CACNA1D: variants seen among roughly 807,000 people sequenced by gnomAD.
CACNA1D encodes calcium voltage-gated channel subunit alpha1 D.
Under a neutral mutation model 257.1 loss-of-function variants are expected in CACNA1D, and 55 were observed. The ratio of observed to expected loss-of-function variants is 0.21; its 90% CI spans 0.17 to 0.27. The LOEUF (loss-of-function observed/expected upper bound fraction) is 0.27. Ranked by LOEUF, CACNA1D falls within the 10% of genes least tolerant of loss-of-function variation. The pLI, the probability that CACNA1D is intolerant of heterozygous loss-of-function variation, is 1.00. For missense variants in CACNA1D, 1,876 were observed against 2,784.0 expected (o/e 0.67, Z 7.34); for synonymous variants, 980 against 1,014.9 (o/e 0.97, Z 0.65).
At chr3:53,776,755 G>A (rs1309915210) in intron 36 of CACNA1D, 25 bp downstream of exon 36, 1 of 1,614,076 alleles carries the variant, frequency 6.2e-7, no homozygotes, top group Non-Finnish European at 8.5e-7. Flanking sequence ...ATTTGATTTG[G>A]CGTGTGTGGG....
intron 3 of CACNA1D, among the ~76,000 whole-genome samples, chr3:53,528,527 T>C (rs899345959): frequency 2.0e-5 from 3 of 152,200 alleles, no homozygotes; most frequent in Admixed American, 2.0e-4. Flanking sequence ...GTCCTTTGCA[T>C]TTCTATCTAA....
At chr3:53,590,521 ATTGCCC>A (rs1441000477) in intron 3 of CACNA1D, among the ~76,000 whole-genome samples, 1 of 152,220 alleles carries the variant, frequency 6.6e-6, no homozygotes, top group Non-Finnish European at 1.5e-5. Context: ...TCCAAATGCC[ATTGCCC>A]AGACTGTCTC....
chr3:53,722,201 C>A, intron 11 of CACNA1D, 113 bp from the exon 12 acceptor site: 2 of 1,061,190 alleles, frequency 1.9e-6, no homozygotes, highest in Non-Finnish European at 2.9e-6. Flanking sequence ...TTCCTGCACT[C>A]CCACCCCAAT....
At chr3:53,660,367 C>G in intron 5 of CACNA1D, 92 bp downstream of exon 5, 1 of 1,261,900 alleles carries the variant, frequency 7.9e-7, no homozygotes, top group Non-Finnish European at 1.1e-6. Flanking sequence ...GTGAGTTGCT[C>G]TGTGCCAGCC....
intron 8 of CACNA1D, among the ~76,000 whole-genome samples, chr3:53,691,780 T>G (rs2094525245): frequency 9.0e-6 from 1 of 111,288 alleles, no homozygotes; most frequent in Admixed American, 1.3e-4. Context: ...ATATATTATA[T>G]CTATAATATA....
At chr3:53,738,999 A>G (rs901331791) in intron 20 of CACNA1D, among the ~76,000 whole-genome samples, 5 of 152,162 alleles carry the variant, frequency 3.3e-5, no homozygotes, top group African/African-American at 1.2e-4. Context: ...ACTCCATTAC[A>G]CAGAAGTGGT....
At chr3:53,734,996 G>A (rs1476644982) in intron 19 of CACNA1D, among the ~76,000 whole-genome samples, 1 of 152,138 alleles carries the variant, frequency 6.6e-6, no homozygotes, top group East Asian at 1.9e-4. Flanking sequence ...TTGTCATAGT[G>A]GAAAAACTTC....
intron 8 of CACNA1D, among the ~76,000 whole-genome samples, chr3:53,689,630 A>G (rs1044868548): frequency 6.6e-6 from 1 of 152,052 alleles, no homozygotes; most frequent in Admixed American, 6.5e-5. Context: ...TGTGGATTGT[A>G]TGAGAGAATT....
At chr3:53,639,167 G>A (rs1296118293) in intron 3 of CACNA1D, among the ~76,000 whole-genome samples, 1 of 151,926 alleles carries the variant, frequency 6.6e-6, no homozygotes, top group Non-Finnish European at 1.5e-5. Context: ...TTTTTGAGAC[G>A]GAGTCTTGCT....
At chr3:53,714,247 C>T (rs896799332) in intron 9 of CACNA1D, among the ~76,000 whole-genome samples, 2 of 152,116 alleles carry the variant, frequency 1.3e-5, no homozygotes, top group African/African-American at 4.8e-5. Flanking sequence ...TGGCACTTGT[C>T]GGCAATGTGG....
chr3:53,554,566 T>G (rs1455547162), intron 3 of CACNA1D, among the ~76,000 whole-genome samples: 1 of 152,218 alleles, frequency 6.6e-6, no homozygotes, highest in Non-Finnish European at 1.5e-5. Flanking sequence ...GCACTTAGAT[T>G]TCGTTACCGT....
Position 53,751,990 on chromosome 3 carries a change from C to G in CACNA1D, c.3675+83C>G. ...CCAAATGCTGAGGGTGGAATGCTGC[C>G]CCTCACAGGAGGGGTTTGATTTTTC... On this transcript the variant is annotated intron_variant, in intron 28 of 47. Coordinates refer to ENST00000350061, the MANE Select transcript of CACNA1D (RefSeq NM_001128840.3). This position sits in a 1 kb window ranked among gnomAD's most constrained non-coding sequence, Gnocchi z 4.3. 5.8e-6 allele frequency: 8 copies of G among 1,373,724 alleles called. No homozygotes were observed. Among genetic ancestry groups the G allele is most frequent in the Middle Eastern group, 2.0e-4 (1 of 5,086 alleles). 85.1% of individuals were successfully genotyped at this position (1,373,724 alleles called of 1,614,324 possible). A position where few individuals can be genotyped will look rare whatever the true frequency, so the allele number is the denominator to read the frequency against.
chr3:53,538,000 G>A (rs2092163854), intron 3 of CACNA1D, among the ~76,000 whole-genome samples: 1 of 152,000 alleles, frequency 6.6e-6, no homozygotes, highest in African/African-American at 2.4e-5. Flanking sequence ...TTTTTGTGAT[G>A]TTAGTACTCA....
intron 3 of CACNA1D, among the ~76,000 whole-genome samples, chr3:53,629,518 C>G (rs1416655198): frequency 6.6e-6 from 1 of 152,226 alleles, no homozygotes; most frequent in East Asian, 1.9e-4. Context: ...AGCAGTCTGT[C>G]ACTGGGGTGA....
chr3:53,769,300 C>T (rs2095353217), intron 30 of CACNA1D, among the ~76,000 whole-genome samples: 1 of 152,188 alleles, frequency 6.6e-6, no homozygotes, highest in Non-Finnish European at 1.5e-5. Flanking sequence ...GGAGCTGGTC[C>T]TCCACTGTTT....
Position 53,673,053 on chromosome 3 carries a change from T to G in CACNA1D, c.1147T>G (p.Trp383Gly), listed in dbSNP as rs1223628194. 1.3e-6 allele frequency: 2 copies of G among 1,552,174 alleles called. No homozygotes were observed. The highest frequency in any genetic ancestry group is 2.7e-5 in the African/African-American group (2 of 73,210). ...TGATGCTATGGGATTTGAATTGCCCTGGGTGTATTTTGTCAGTCTCGTCAT... is the reference window on the plus strand; with the variant it reads ...TGATGCTATGGGATTTGAATTGCCCGGGGTGTATTTTGTCAGTCTCGTCAT... ...MNDAMGFELP[W>G]VYFVSLVIFG... The change falls in exon 8 of 48, where the codon TGG becomes GGG. Residue 383 changes from tryptophan (W) to glycine (G), a missense_variant. Physicochemically the swap from Trp to Gly is radical, Grantham distance 184. Transcript: ENST00000350061. The surrounding 1 kb of genome is among the most constrained non-coding windows in gnomAD (Gnocchi z 4.1).
intron 40 of CACNA1D, chr3:53,799,774 G>C: frequency 4.2e-6 from 1 of 240,062 alleles, no homozygotes; most frequent in South Asian, 6.4e-5. Context: ...TGGTCTGCTT[G>C]TGCCTCTGGC....
Position 53,810,056 on chromosome 3 carries a change from C to T in CACNA1D, c.5950C>T (p.Pro1984Ser), listed in dbSNP as rs926241141. 6.2e-7 allele frequency: 1 copy of T among 1,614,030 alleles called. No individual in the cohort carries two copies. The highest frequency in any genetic ancestry group is 1.1e-5 in the South Asian group (1 of 91,088). The change falls in exon 47 of 48, where the codon CCT (proline) becomes TCT (serine). Residue 1984 changes from proline (P) to serine (S), a missense_variant. Pro to Ser is a moderately conservative substitution (Grantham distance 74). Around this residue, in one of 10 missense-constraint regions of CACNA1D, gnomAD observed 491 missense variants for 554.3 expected, o/e 0.89. Transcript: ENST00000350061. ...PSHSTRSWAT[P>S]PATPPYRDWT... is the part of the protein sequence containing the mutation. ...TCACTCGACCCGGTCGTGGGCCACC[C>T]CTCCAGCAACCCCTCCCTACCGGGA...
Position 53,518,079 on chromosome 3 carries a change from G to C in CACNA1D, c.483+16359G>C, listed in dbSNP as rs151132264. On this transcript the variant is annotated intron_variant, in intron 3 of 47. Coordinates refer to ENST00000350061, the MANE Select transcript of CACNA1D (RefSeq NM_001128840.3). ...CTAGCTGGGTAGCCACCTGAGGCTG[G>C]AGTTCTGATATGTGGGTCTTGCCTG... Among the ~76,000 whole-genome samples the C allele has an allele frequency of 2.4e-3, 369 of 152,340 alleles. 1 individual carries two copies. The highest frequency in any genetic ancestry group is 6.8e-3 in the Middle Eastern group (2 of 294).
Sources: allele counts gnomAD v4.1 joint callset (sites outside exome capture counted in the v4.1 genomes callset), GRCh38; gene constraint gnomAD v4.1.1; regional missense constraint gnomAD v4.1.1; non-coding constraint Gnocchi (gnomAD v3.1); transcripts MANE v1.5; gene names NCBI Gene and HGNC (gene_info 2026-07-23, HGNC 2026-07-21).